The following THEMIS variants were observed in gnomAD, a reference collection of about 807,000 sequenced individuals.
THEMIS encodes thymocyte selection associated, also known as protein THEMIS.
THEMIS carries 37 observed loss-of-function variants against 52.6 expected under a neutral mutation model. The observed-to-expected ratio is 0.70, with a 90% CI of 0.54 to 0.93. The LOEUF (loss-of-function observed/expected upper bound fraction) is 0.93, where lower values mean the gene tolerates loss of function less well. THEMIS is among the 40% of genes least tolerant of loss of function. The pLI, the probability that THEMIS is intolerant of heterozygous loss-of-function variation, is 0.00. For missense variants in THEMIS, 808 were observed against 763.1 expected, an observed-to-expected ratio of 1.06 and a Z score of -0.69; for synonymous variants, 292 against 272.7, an observed-to-expected ratio of 1.07 and a Z score of -0.70.
chr6:127,756,285 T>A (rs1408357888), intron 4 of THEMIS, among the ~76,000 whole-genome samples: 1 of 152,204 alleles, frequency 6.6e-6, no homozygotes, highest in Admixed American at 6.5e-5. Flanking sequence ...CCAATTTTAC[T>A]ATACCTAATG....
intron 4 of THEMIS, among the ~76,000 whole-genome samples, chr6:127,811,848 C>T (rs1174529024): frequency 2.6e-5 from 4 of 152,126 alleles, no homozygotes; most frequent in Admixed American, 6.6e-5. Context: ...AACTGTTTGT[C>T]TGGGAAGAAA....
Position 127,888,089 on chromosome 6 carries a change from A to G in THEMIS, c.91+12753T>C, listed in dbSNP as rs1398905606. ...TCGATGTCCTGAAGAAGAGTTTTCC[A>G]GATGAAAAGTGTGAACAAAGCTTTA... On this transcript the variant is annotated intron_variant, in intron 1 of 5. Coordinates refer to ENST00000368248, the MANE Select transcript of THEMIS (RefSeq NM_001010923.3). 3.3e-5 allele frequency among the ~76,000 whole-genome samples: 5 copies of G among 152,218 alleles called. No individual in the cohort carries two copies. In the South Asian group the frequency reaches 1.0e-3, roughly 32 times the overall value.
intron 4 of THEMIS, among the ~76,000 whole-genome samples, chr6:127,724,015 A>G (rs1774454092): frequency 6.6e-6 from 1 of 152,078 alleles, no homozygotes; most frequent in Non-Finnish European, 1.5e-5. Flanking sequence ...ATTCATGAAT[A>G]AAACATGACT....
intron 4 of THEMIS, among the ~76,000 whole-genome samples, chr6:127,750,484 T>C (rs1775602428): frequency 1.3e-5 from 2 of 151,870 alleles, no homozygotes; most frequent in African/African-American, 4.8e-5. Context: ...GTTTAATCCA[T>C]GCCTGATCAT....
intron 1 of THEMIS, among the ~76,000 whole-genome samples, chr6:127,868,246 T>C (rs1780045401): frequency 6.6e-6 from 1 of 152,164 alleles, no homozygotes; most frequent in Non-Finnish European, 1.5e-5. Context: ...ACCATTATTA[T>C]TTTACATGAT....
chr6:127,828,374 A>AT (rs1350075141), intron 3 of THEMIS, among the ~76,000 whole-genome samples: 2 of 152,180 alleles, frequency 1.3e-5, no homozygotes, highest in Non-Finnish European at 2.9e-5. Flanking sequence ...CATTGCCTCA[A>AT]TTTTTTGTAA....
chr6:127,757,517 T>C (rs1381481164), intron 4 of THEMIS, among the ~76,000 whole-genome samples: 5 of 152,120 alleles, frequency 3.3e-5, no homozygotes, highest in East Asian at 3.9e-4. Context: ...GAGTCTCGCT[T>C]TGTCGCCCAG....
the THEMIS span, among the ~76,000 whole-genome samples, chr6:127,702,622 T>TC: frequency 2.6e-5 from 4 of 152,092 alleles, no homozygotes; most frequent in East Asian, 7.7e-4. Flanking sequence ...ACCTGTTTTT[T>TC]TTTTTTTTAG....
intron 5 of THEMIS, among the ~76,000 whole-genome samples, chr6:127,711,363 C>G (rs1460940551): frequency 6.6e-6 from 1 of 151,980 alleles, no homozygotes; most frequent in Non-Finnish European, 1.5e-5. Context: ...AGGTCACAGA[C>G]TACTTGAGAA....
chr6:127,902,156 C>T (rs949933791), upstream of THEMIS, among the ~76,000 whole-genome samples: 18 of 151,178 alleles, frequency 1.2e-4, no homozygotes, highest in African/African-American at 4.1e-4. Context: ...GAGACTTTGT[C>T]TCTACAAAAA....
intron 2 of THEMIS, among the ~76,000 whole-genome samples, chr6:127,835,189 A>G (rs1778836160): frequency 6.6e-6 from 1 of 152,126 alleles, no homozygotes. Flanking sequence ...GAGGATCTTC[A>G]CAATACCACA....
At chr6:127,801,518 C>A (rs988329146) in intron 4 of THEMIS, among the ~76,000 whole-genome samples, 1 of 152,062 alleles carries the variant, frequency 6.6e-6, no homozygotes, top group African/African-American at 2.4e-5. Flanking sequence ...GGAATGAGGA[C>A]GAGTGGGAGG....
intron 2 of THEMIS, among the ~76,000 whole-genome samples, chr6:127,853,474 C>A (rs574254131): frequency 6.6e-6 from 1 of 151,086 alleles, no homozygotes. Flanking sequence ...TAATGTGCAG[C>A]CAAATTTGAG....
At chr6:127,797,562 C>T (rs546633979) in intron 4 of THEMIS, among the ~76,000 whole-genome samples, 2 of 152,260 alleles carry the variant, frequency 1.3e-5, no homozygotes, top group Admixed American at 6.5e-5. Flanking sequence ...AGATATGGGT[C>T]AAAGGCCAGC....
At chr6:127,715,231 G>A (rs538658533) in intron 5 of THEMIS, among the ~76,000 whole-genome samples, 9 of 151,764 alleles carry the variant, frequency 5.9e-5, no homozygotes, top group Non-Finnish European at 1.2e-4. Flanking sequence ...TACTAATATC[G>A]TTATTCTGTT....
rs147577777 is a variant in THEMIS, at chr6:127,780,690, A to T, written c.1758+32193T>A. On this transcript the variant is annotated intron_variant, in intron 4 of 5. Coordinates refer to ENST00000368248, the MANE Select transcript of THEMIS (RefSeq NM_001010923.3). The stretch of plus-strand genomic sequence containing the variant: ...GGCTAGATGTGAAATTCTGGGTTGA[A>T]AATTCTTTTCTTTAAGAATGTTGAA... Among the ~76,000 whole-genome samples, 171 of 152,322 alleles carry T rather than the reference A, an allele frequency of 1.1e-3. 1 individual carries two copies. The highest frequency in any genetic ancestry group is 3.9e-3 in the African/African-American group (161 of 41,576).
At chr6:127,755,060 A>G (rs1775775027) in intron 4 of THEMIS, among the ~76,000 whole-genome samples, 1 of 152,058 alleles carries the variant, frequency 6.6e-6, no homozygotes, top group Admixed American at 6.6e-5. Context: ...GCTTATTATT[A>G]GGGTAAATTC....
chr6:127,701,508 T>C, the THEMIS span, among the ~76,000 whole-genome samples: 1 of 152,158 alleles, frequency 6.6e-6, no homozygotes, highest in Non-Finnish European at 1.5e-5. Flanking sequence ...TCATTGTACA[T>C]GTCTTATTGG....
intron 1 of THEMIS, among the ~76,000 whole-genome samples, chr6:127,877,544 A>G (rs1780351182): frequency 6.6e-6 from 1 of 152,168 alleles, no homozygotes; most frequent in Admixed American, 6.5e-5. Flanking sequence ...GTCTCAGGGA[A>G]TAGGCAGACA....
Sources: gnomAD v4.1 joint callset for allele counts (sites outside exome capture counted in the v4.1 genomes callset) on GRCh38, gnomAD v4.1.1 for gene constraint, MANE v1.5 for transcripts, NCBI Gene and HGNC (gene_info 2026-07-23, HGNC 2026-07-21) for gene names.